Variants in TMEM135 observed in about 807,000 individuals in gnomAD.
TMEM135 encodes the protein peroxisomal membrane protein 52.
A neutral mutation model predicts 60.3 loss-of-function variants in TMEM135; 30 were observed. The ratio of observed to expected loss-of-function variants is 0.50; its 90% CI spans 0.37 to 0.68. The LOEUF is 0.68. Among genes scored for constraint, TMEM135 ranks in the 30% least tolerant of loss-of-function variants. The pLI, the probability that TMEM135 is intolerant of heterozygous loss-of-function variation, is 0.00. For synonymous variants in TMEM135, 190 were observed against 186.7 expected (o/e 1.02, Z -0.14); for missense variants, 468 against 548.8 (o/e 0.85, Z 1.47).
At chr11:87,099,880 A>C (rs1020028315) in intron 4 of TMEM135, among the ~76,000 whole-genome samples, 15 of 151,772 alleles carry the variant, frequency 9.9e-5, no homozygotes, top group Non-Finnish European at 2.1e-4. Flanking sequence ...ACGGGGTTTC[A>C]CCTTGTTGGT....
In TMEM135 at chr11:87,327,270, A is replaced by G. The variant is rs545219773; in HGVS notation, c.*5937A>G. On this transcript the variant is annotated 3_prime_UTR_variant, in exon 15 of 15. Transcript: ENST00000305494. ...TTTTTACCTCTTTTTCTCTTGTTCA[A>G]GGTATTAGTATTAGTCAGTAGGGTC... 4.4e-6 allele frequency: 2 copies of G among 454,008 alleles called. No individual in the cohort carries two copies. The highest frequency in any genetic ancestry group is 2.0e-5 in the African/African-American group (1 of 50,084). 28.1% of individuals were successfully genotyped at this position (454,008 alleles called of 1,614,324 possible).
At position 87,328,097 on chromosome 11, in the gene TMEM135, C is replaced by G. The variant is rs1397410267; in HGVS notation, c.*6764C>G. 4.4e-6 allele frequency: 2 copies of G among 453,982 alleles called. No homozygotes were observed. The highest frequency in any genetic ancestry group is 6.9e-5 in the East Asian group (1 of 14,404). The allele number at this position is 453,982 out of a possible 1,614,324, so 28.1% of individuals were successfully genotyped here. On this transcript the variant is annotated 3_prime_UTR_variant, in exon 15 of 15. Coordinates refer to ENST00000305494, the MANE Select transcript of TMEM135 (RefSeq NM_022918.4). ...CAAGTTGATGCCTAAAATTAACCAT[C>G]ACAGGCTTTATGGCTCTATTACCCA...
In TMEM135 at chr11:87,322,844, T is replaced by C; in HGVS notation, c.*1511T>C. 2.2e-6 allele frequency: 1 copy of C among 454,468 alleles called. No homozygotes were observed. Among genetic ancestry groups the C allele is most frequent in the South Asian group, 1.6e-5 (1 of 64,476 alleles). The allele number at this position is 454,468 out of a possible 1,614,324, so 28.2% of individuals were successfully genotyped here. On this transcript the variant is annotated 3_prime_UTR_variant, in exon 15 of 15. Coordinates refer to ENST00000305494, the MANE Select transcript of TMEM135 (RefSeq NM_022918.4). ...GCCACTTTATCATTTGGTCAAAATT[T>C]GGCATTATGATTAGCTTTGTAGAAC...
intron 1 of TMEM135, among the ~76,000 whole-genome samples, chr11:87,059,359 CA>C (rs1298801114): frequency 3.4e-5 from 5 of 148,596 alleles, no homozygotes. Flanking sequence ...GGCTGAAGTG[CA>C]ATGGCGTGAT....
At chr11:87,312,095 A>ATTATGTGTAATG (rs1942648951) in intron 10 of TMEM135, among the ~76,000 whole-genome samples, 1 of 150,854 alleles carries the variant, frequency 6.6e-6, no homozygotes, top group African/African-American at 2.4e-5. Context: ...GTGTAAATAT[A>ATTATGTGTAATG]TATAGTTTAT....
chr11:87,135,175 A>G (rs1591046166), intron 4 of TMEM135, among the ~76,000 whole-genome samples: 3 of 152,008 alleles, frequency 2.0e-5, no homozygotes, highest in Non-Finnish European at 2.9e-5. Flanking sequence ...ATTTTTTTCC[A>G]TACTGTGGCT....
At chr11:87,287,659 G>C (rs777449040) in intron 6 of TMEM135, among the ~76,000 whole-genome samples, 1 of 152,196 alleles carries the variant, frequency 6.6e-6, no homozygotes, top group Non-Finnish European at 1.5e-5. Flanking sequence ...CCTGGCGACA[G>C]AGTGAGACTG....
At chr11:87,042,585 G>T (rs1461087828) in intron 1 of TMEM135, among the ~76,000 whole-genome samples, 1 of 152,086 alleles carries the variant, frequency 6.6e-6, no homozygotes, top group Non-Finnish European at 1.5e-5. Context: ...TGCTTCTAAG[G>T]CTGCTTCTGA....
intron 4 of TMEM135, among the ~76,000 whole-genome samples, chr11:87,135,436 C>G (rs549113457): frequency 6.7e-6 from 1 of 149,216 alleles, no homozygotes; most frequent in East Asian, 2.0e-4. Context: ...CATTTAATGT[C>G]ATTATTTTTG....
At chr11:87,241,848 T>TA (rs1419291542) in intron 6 of TMEM135, among the ~76,000 whole-genome samples, 8 of 145,324 alleles carry the variant, frequency 5.5e-5, no homozygotes, top group Non-Finnish European at 3.1e-5. Context: ...GCCTTTTTTT[T>TA]TAAAAAAAAA....
chr11:87,112,011 T>G (rs1857764594), intron 4 of TMEM135, among the ~76,000 whole-genome samples: 1 of 152,220 alleles, frequency 6.6e-6, no homozygotes, highest in Non-Finnish European at 1.5e-5. Flanking sequence ...CTTCTAGAAC[T>G]TGAGGCTTTT....
chr11:87,188,893 T>A (rs1939718906), intron 5 of TMEM135, among the ~76,000 whole-genome samples: 1 of 152,164 alleles, frequency 6.6e-6, no homozygotes, highest in Non-Finnish European at 1.5e-5. Context: ...TTCACATAAA[T>A]GCATACATCT....
At chr11:87,257,911 A>T (rs1941561736) in intron 6 of TMEM135, among the ~76,000 whole-genome samples, 1 of 152,196 alleles carries the variant, frequency 6.6e-6, no homozygotes, top group Non-Finnish European at 1.5e-5. Context: ...TTTTAAATAT[A>T]AATCTGGCAC....
chr11:87,215,173 A>C (rs531269062), intron 5 of TMEM135, among the ~76,000 whole-genome samples: 31 of 152,308 alleles, frequency 2.0e-4, no homozygotes, highest in Admixed American at 3.9e-4. Flanking sequence ...ATACTTTATA[A>C]TACAATAATA....
intron 5 of TMEM135, chr11:87,178,399 A>G: frequency 2.2e-6 from 1 of 456,150 alleles, no homozygotes; most frequent in Non-Finnish European, 4.4e-6. Context: ...ATTATACAAT[A>G]TATGCCCTTT....
At chr11:87,305,776 A>AAAAT (rs71470736) in intron 8 of TMEM135, among the ~76,000 whole-genome samples, 160 bp from the exon 9 acceptor site, 10,548 of 144,008 alleles carry the variant, frequency 0.073, 944 homozygotes, top group African/African-American at 0.21. Context: ...ACTTTATCTC[A>AAAAT]AAATAAATAA....
At chr11:87,126,535 G>A (rs1187888787) in intron 4 of TMEM135, among the ~76,000 whole-genome samples, 2 of 151,396 alleles carry the variant, frequency 1.3e-5, no homozygotes, top group Admixed American at 1.3e-4. Context: ...AGGAAATTTA[G>A]TTCTCGCTAA....
chr11:87,131,182 CA>C (rs1419999580), intron 4 of TMEM135, among the ~76,000 whole-genome samples: 1 of 152,134 alleles, frequency 6.6e-6, no homozygotes, highest in African/African-American at 2.4e-5. Context: ...ACATTTGTTA[CA>C]ATTAATGAAC....
At chr11:87,129,954 T>C (rs1937869762) in intron 4 of TMEM135, among the ~76,000 whole-genome samples, 2 of 152,188 alleles carry the variant, frequency 1.3e-5, no homozygotes, top group Non-Finnish European at 1.5e-5. Context: ...GATTTCATAA[T>C]TCTCCAGACA....
Sources: allele counts gnomAD v4.1 joint callset (sites outside exome capture counted in the v4.1 genomes callset), GRCh38; gene constraint gnomAD v4.1.1; transcripts MANE v1.5; gene names NCBI Gene and HGNC (gene_info 2026-07-23, HGNC 2026-07-21).